Variants in COX10 observed in about 807,000 individuals in gnomAD.
COX10 encodes the protein protoheme IX farnesyltransferase, mitochondrial.
A neutral mutation model predicts 37.3 loss-of-function variants in COX10; 27 were observed. The ratio of observed to expected loss-of-function variants is 0.72; its 90% confidence interval spans 0.53 to 1.00. The LOEUF (loss-of-function observed/expected upper bound fraction) is 1.00, where lower values mean the gene tolerates loss of function less well. Among genes scored for constraint, COX10 ranks in the 50% least tolerant of loss-of-function variants. The pLI, the probability that COX10 is intolerant of heterozygous loss-of-function variation, is 0.00. For synonymous variants in COX10, 222 were observed against 229.1 expected (o/e 0.97, Z 0.28); for missense variants, 475 against 563.2 (o/e 0.84, Z 1.59).
At chr17:14,140,816 T>A (rs1904517851) in intron 4 of COX10, among the ~76,000 whole-genome samples, 1 of 152,132 alleles carries the variant, frequency 6.6e-6, no homozygotes, top group Non-Finnish European at 1.5e-5. Flanking sequence ...TATGTCTGAT[T>A]TTTTTTGTTG....
intron 4 of COX10, among the ~76,000 whole-genome samples, chr17:14,108,388 T>C (rs1279988017): frequency 2.0e-5 from 3 of 152,196 alleles, no homozygotes; most frequent in Admixed American, 2.0e-4. Flanking sequence ...AACTTAGTCT[T>C]AGCTTTAAGG....
chr17:14,174,782 T>C (rs1382882038), intron 5 of COX10, among the ~76,000 whole-genome samples: 1 of 151,472 alleles, frequency 6.6e-6, no homozygotes, highest in Admixed American at 6.6e-5. Flanking sequence ...CATTCCTGTG[T>C]ATGTATGGAC....
chr17:14,110,705 T>C (rs1915990200), intron 4 of COX10, among the ~76,000 whole-genome samples: 1 of 152,090 alleles, frequency 6.6e-6, no homozygotes, highest in Admixed American at 6.6e-5. Context: ...AGTTCTCTGC[T>C]CTGAACCACA....
At chr17:14,082,742 C>G (rs541848511) in intron 3 of COX10, among the ~76,000 whole-genome samples, 2 of 152,226 alleles carry the variant, frequency 1.3e-5, no homozygotes, top group East Asian at 3.9e-4. Context: ...AACTCATTGG[C>G]TTCCAAATGT....
chr17:14,080,092 A>G (rs1915253689), intron 3 of COX10, among the ~76,000 whole-genome samples: 2 of 152,088 alleles, frequency 1.3e-5, no homozygotes, highest in South Asian at 4.1e-4. Context: ...GTCTGCCTTT[A>G]GGATCAGTAC....
intron 4 of COX10, 31 bp downstream of exon 4, chr17:14,102,273 TA>T (rs1309950708): frequency 6.2e-7 from 1 of 1,612,972 alleles, no homozygotes; most frequent in Non-Finnish European, 8.5e-7. Flanking sequence ...TAAATTATGT[TA>T]TTGTCACTTT....
chr17:14,069,970 GTCC>G (rs1057288533), intron 1 of COX10, among the ~76,000 whole-genome samples: 18 of 152,334 alleles, frequency 1.2e-4, no homozygotes, highest in African/African-American at 3.6e-4. Context: ...GGGTTCCACA[GTCC>G]TCCTTATCAG....
At chr17:14,162,515 G>C (rs1905190022) in intron 5 of COX10, among the ~76,000 whole-genome samples, 1 of 152,044 alleles carries the variant, frequency 6.6e-6, no homozygotes, top group Admixed American at 6.5e-5. Flanking sequence ...TTAGTGATTT[G>C]ACTGTCAAAG....
intron 4 of COX10, among the ~76,000 whole-genome samples, chr17:14,112,516 A>C (rs1432099850): frequency 6.6e-6 from 1 of 152,144 alleles, no homozygotes; most frequent in Non-Finnish European, 1.5e-5. Context: ...ATTGGTTCCT[A>C]CTCTGAAGTG....
Position 14,199,474 on chromosome 17 carries a change from A to G in COX10, c.928+7253A>G, listed in dbSNP as rs570229679. 5.3e-5 allele frequency among the ~76,000 whole-genome samples: 8 copies of G among 152,354 alleles called. No individual in the cohort carries two copies. In the East Asian group the frequency reaches 1.3e-3, roughly 26 times the overall value. ...AGAGAAAAAGGGGAGCACTGTTTTCAGAGTCAGAGCTTTTTGCTTCCTTTA... is the reference window on the plus strand; with the variant it reads ...AGAGAAAAAGGGGAGCACTGTTTTCGGAGTCAGAGCTTTTTGCTTCCTTTA... On this transcript the variant is annotated intron_variant, in intron 6 of 6. Coordinates refer to ENST00000261643, the MANE Select transcript of COX10 (RefSeq NM_001303.4).
chr17:14,190,744 T>A (rs1055184384), intron 5 of COX10, among the ~76,000 whole-genome samples: 2 of 152,124 alleles, frequency 1.3e-5, no homozygotes, highest in African/African-American at 4.8e-5. Flanking sequence ...TCTGGCACCC[T>A]CCCGGCTAAA....
At chr17:14,205,080 C>T (rs1296573311) in intron 6 of COX10, among the ~76,000 whole-genome samples, 3 of 152,154 alleles carry the variant, frequency 2.0e-5, no homozygotes, top group Admixed American at 2.0e-4. Flanking sequence ...GCACTCCAGC[C>T]AACCTTGTCC....
At chr17:14,115,750 A>G (rs1247325010) in intron 4 of COX10, among the ~76,000 whole-genome samples, 1 of 152,222 alleles carries the variant, frequency 6.6e-6, no homozygotes, top group Non-Finnish European at 1.5e-5. Context: ...AGTTCATTAT[A>G]TTAAGTAAAA....
chr17:14,205,857 A>G (rs1300781968), intron 6 of COX10, among the ~76,000 whole-genome samples: 1 of 152,140 alleles, frequency 6.6e-6, no homozygotes, highest in Non-Finnish European at 1.5e-5. Context: ...GGTCTGTCAC[A>G]TAATAGGAGC....
At chr17:14,095,404 G>A (rs1015279320) in intron 3 of COX10, among the ~76,000 whole-genome samples, 15 of 152,000 alleles carry the variant, frequency 9.9e-5, no homozygotes, top group Admixed American at 7.9e-4. Flanking sequence ...GGCCCTCATC[G>A]CCTCCCACCT....
chr17:14,186,637 T>C (rs1597542490), intron 5 of COX10, among the ~76,000 whole-genome samples: 1 of 151,678 alleles, frequency 6.6e-6, no homozygotes, highest in Non-Finnish European at 1.5e-5. Flanking sequence ...CTCACCACAT[T>C]ATATACAGTT....
chr17:14,205,892 A>G (rs1289030113), intron 6 of COX10, among the ~76,000 whole-genome samples: 1 of 152,094 alleles, frequency 6.6e-6, no homozygotes, highest in East Asian at 1.9e-4. Flanking sequence ...CCTTCATTCC[A>G]CCCATGTGGG....
chr17:14,117,362 A>C (rs778886337), intron 4 of COX10, among the ~76,000 whole-genome samples: 18 of 152,202 alleles, frequency 1.2e-4, no homozygotes, highest in African/African-American at 4.3e-4. Context: ...TTTTAAAAAA[A>C]TGTGTGAGGT....
At chr17:14,089,047 T>A (rs1915472473) in intron 3 of COX10, among the ~76,000 whole-genome samples, 1 of 152,108 alleles carries the variant, frequency 6.6e-6, no homozygotes, top group Non-Finnish European at 1.5e-5. Context: ...GGTTTTAAAT[T>A]ATGGCATAAT....
Sources: gnomAD v4.1 joint callset for allele counts (sites outside exome capture counted in the v4.1 genomes callset) on GRCh38, gnomAD v4.1.1 for gene constraint, MANE v1.5 for transcripts, NCBI Gene and HGNC (gene_info 2026-07-23, HGNC 2026-07-21) for gene names.